MTOR: variants seen among roughly 807,000 people sequenced by gnomAD.
MTOR encodes serine/threonine-protein kinase mTOR.
Under a neutral mutation model 319.8 loss-of-function variants are expected in MTOR, and 70 were observed. The observed-to-expected ratio is 0.22, with a 90% confidence interval of 0.18 to 0.27. MTOR has a LOEUF of 0.27. MTOR is among the 10% of genes least tolerant of loss of function. The pLI is 1.00. For synonymous variants in MTOR, 1,183 were observed against 1,211.4 expected (o/e 0.98, Z 0.49); for missense variants, 1,890 against 3,274.4 (o/e 0.58, Z 10.32).
intron 28 of MTOR, chr1:11,193,915 A>G: frequency 1.0e-6 from 1 of 998,490 alleles, no homozygotes; most frequent in Non-Finnish European, 1.4e-6. Context: ...GTTGTAATGG[A>G]GTTGAGGAAA....
At chr1:11,179,082 C>A (rs76000308) in intron 28 of MTOR, among the ~76,000 whole-genome samples, 4,543 of 152,246 alleles carry the variant, frequency 0.03, 175 homozygotes, top group Admixed American at 0.071. Context: ...AACTGTGGCA[C>A]TCTATAACTG....
intron 54 of MTOR, among the ~76,000 whole-genome samples, chr1:11,112,347 T>C (rs946316538): frequency 6.6e-6 from 1 of 152,222 alleles, no homozygotes; most frequent in African/African-American, 2.4e-5. Flanking sequence ...TTTTTACAGA[T>C]AGATTAAAAT....
chr1:11,212,608 A>T lies in MTOR; in HGVS notation c.3399-134T>A, dbSNP rs1292616958. ...TTCTAAGGTATTTTGGATGACATGGATCCAACATTTATTCCAATGGGATAG... is the reference window on the plus strand; with the variant it reads ...TTCTAAGGTATTTTGGATGACATGGTTCCAACATTTATTCCAATGGGATAG... On this transcript the variant is annotated intron_variant, in intron 22 of 57. Transcript: ENST00000361445. The surrounding 1 kb of genome is among the most constrained non-coding windows in gnomAD (Gnocchi z 4.1). The T allele has an allele frequency of 8.4e-7, 1 of 1,188,700 alleles. No individual in the cohort carries two copies. Among genetic ancestry groups the T allele is most frequent in the African/African-American group, 1.5e-5 (1 of 64,830 alleles). The allele number at this position is 1,188,700 out of a possible 1,614,324, so 73.6% of individuals were successfully genotyped here.
chr1:11,109,179 T>G lies in MTOR; in HGVS notation c.7528+111A>C. The G allele has an allele frequency of 2.3e-6, 2 of 865,792 alleles. No individual in the cohort carries two copies. The highest frequency in any genetic ancestry group is 3.7e-6 in the Non-Finnish European group (2 of 541,638). The allele number at this position is 865,792 out of a possible 1,614,324, so 53.6% of individuals were successfully genotyped here. A position where few individuals can be genotyped will look rare whatever the true frequency, so the allele number is the denominator to read the frequency against. ...TCAAAGACACTCTTTGTCAGCTGCATGGTGCCAAAGCTCGTCACTAACACC... is the reference window on the plus strand; with the variant it reads ...TCAAAGACACTCTTTGTCAGCTGCAGGGTGCCAAAGCTCGTCACTAACACC... On this transcript the variant is annotated intron_variant, in intron 56 of 57. Transcript: ENST00000361445. This position sits in a 1 kb window ranked among gnomAD's most constrained non-coding sequence, Gnocchi z 4.0.
intron 19 of MTOR, 76 bp from the exon 20 acceptor site, chr1:11,216,310 A>C (rs1434888805): frequency 3.6e-6 from 4 of 1,112,980 alleles, no homozygotes; most frequent in Non-Finnish European, 5.4e-6. Flanking sequence ...AGCTCATGTG[A>C]ACAAATAAAG....
At chr1:11,178,295 T>C (rs1287230551) in intron 28 of MTOR, among the ~76,000 whole-genome samples, 1 of 152,186 alleles carries the variant, frequency 6.6e-6, no homozygotes, top group African/African-American at 2.4e-5. Context: ...CCTGGTTGGA[T>C]ATAGGGCCCA....
chr1:11,225,128 A>G (rs1431071408), intron 19 of MTOR, among the ~76,000 whole-genome samples: 1 of 152,220 alleles, frequency 6.6e-6, no homozygotes, highest in Non-Finnish European at 1.5e-5. Flanking sequence ...ATTATTAGTG[A>G]TAACTGCATA....
At chr1:11,131,095 T>G in intron 38 of MTOR, 1 of 404,986 alleles carries the variant, frequency 2.5e-6, no homozygotes, top group Non-Finnish European at 4.5e-6. Context: ...AAGACCTAGG[T>G]ACTCTGCAAG....
chr1:11,249,022 G>A lies in MTOR; in HGVS notation c.841-928C>T, dbSNP rs543531810. Among the ~76,000 whole-genome samples, 95 of 152,096 alleles carry A rather than the reference G, an allele frequency of 6.2e-4. No homozygotes were observed. In the South Asian group the frequency reaches 0.011, roughly 17 times the overall value. ...GGGCAGATCATGAGGTCAGGAGTTC[G>A]AGACCAGTCTGACCAACATGGTGAA... On this transcript the variant is annotated intron_variant, in intron 6 of 57. Coordinates refer to ENST00000361445, the MANE Select transcript of MTOR (RefSeq NM_004958.4).
intron 32 of MTOR, among the ~76,000 whole-genome samples, chr1:11,146,041 G>A (rs1279298139): frequency 6.6e-6 from 1 of 152,122 alleles, no homozygotes; most frequent in Non-Finnish European, 1.5e-5. Flanking sequence ...CAGCCTGGGG[G>A]ACGCCACAGC....
chr1:11,175,285 T>C (rs1227315991), intron 28 of MTOR, among the ~76,000 whole-genome samples: 1 of 152,098 alleles, frequency 6.6e-6, no homozygotes, highest in Non-Finnish European at 1.5e-5. Flanking sequence ...AAGGAGAACA[T>C]GGTGAATCTG....
intron 28 of MTOR, among the ~76,000 whole-genome samples, chr1:11,191,145 TCA>T (rs1160538605): frequency 6.6e-6 from 1 of 152,212 alleles, no homozygotes; most frequent in Non-Finnish European, 1.5e-5. Flanking sequence ...GGAGGCTTTC[TCA>T]CCATCCTGCA....
At position 11,213,423 on chromosome 1, in the gene MTOR, G is replaced by A. The variant is rs773252607; in HGVS notation, c.3261C>T (p.Ser1087=). The change falls in exon 21 of 58, where the codon AGC becomes AGT. Residue 1087 remains serine, a synonymous_variant. Coordinates refer to ENST00000361445, the MANE Select transcript of MTOR (RefSeq NM_004958.4). ...HMLRVFMHDN[S]PGRIVSIKLL... Reference sequence around the variant, plus strand: ...CCTTGATAGAGACAATGCGGCCTGGGCTGTTGTCATGCATGAAGACACGCA... The same window carrying A: ...CCTTGATAGAGACAATGCGGCCTGGACTGTTGTCATGCATGAAGACACGCA... 3 of 1,612,922 alleles carry A rather than the reference G, an allele frequency of 1.9e-6. No homozygotes were observed. The highest frequency in any genetic ancestry group is 3.3e-5 in the Admixed American group (2 of 59,990).
At chr1:11,118,442 G>A (rs1642308414) in intron 49 of MTOR, among the ~76,000 whole-genome samples, 4 of 151,180 alleles carry the variant, frequency 2.6e-5, no homozygotes, top group Non-Finnish European at 4.4e-5. Context: ...TCACCACGTT[G>A]GTCAGGCTGG....
At chr1:11,157,621 A>C (rs761462272) in intron 29 of MTOR, among the ~76,000 whole-genome samples, 47 of 152,132 alleles carry the variant, frequency 3.1e-4, no homozygotes, top group Non-Finnish European at 6.3e-4. Context: ...GGACAGGGGA[A>C]ATCATTTAGG....
rs777542989 is a variant in MTOR at position 11,130,614 on chromosome 1, C to CTGGCAGTGGTGG, written c.5516_5527dup (p.Thr1839_Ala1842dup). On this transcript the variant is annotated inframe_insertion, in exon 39 of 58. Transcript: ENST00000361445. ...GCTCTCACTGTTGCTGCCCTCGGTGCTGGCAGTGGTGGTGGCAGTGGCGGC... is the reference window on the plus strand; with the variant it reads ...GCTCTCACTGTTGCTGCCCTCGGTGCTGGCAGTGGTGGTGGCAGTGGTGGTGGCAGTGGCGGC... 1 of 1,613,974 alleles carries CTGGCAGTGGTGG rather than the reference C, an allele frequency of 6.2e-7. No individual in the cohort carries two copies. Among genetic ancestry groups the CTGGCAGTGGTGG allele is most frequent in the Non-Finnish European group, 8.5e-7 (1 of 1,179,968 alleles).
intron 1 of MTOR, among the ~76,000 whole-genome samples, chr1:11,260,223 A>G (rs1650938709): frequency 6.6e-6 from 1 of 152,198 alleles, no homozygotes; most frequent in South Asian, 2.1e-4. Flanking sequence ...AAAAAGAGAG[A>G]TTATTATTCT....
Position 11,127,580 on chromosome 1 carries a change from A to G in MTOR, c.6216+44T>C. 1.3e-6 allele frequency: 2 copies of G among 1,535,962 alleles called. No individual in the cohort carries two copies. The highest frequency in any genetic ancestry group is 1.7e-6 in the Non-Finnish European group (2 of 1,143,052). On this transcript the variant is annotated intron_variant, in intron 44 of 57. Transcript: ENST00000361445. This position sits in a 1 kb window ranked among gnomAD's most constrained non-coding sequence, Gnocchi z 5.5. ...CATTTCATTTTTTTTTAGTGGCAGA[A>G]TATTTCTACAGGGTTATGTCCTTTC...
chr1:11,194,853 G>C lies in MTOR; in HGVS notation c.4253+4405C>G, dbSNP rs756344312. 3.1e-6 allele frequency: 5 copies of C among 1,613,820 alleles called. No individual in the cohort carries two copies. The East Asian group carries it at 8.9e-5, about 29-fold the overall frequency. On this transcript the variant is annotated intron_variant, in intron 28 of 57. Coordinates refer to ENST00000361445, the MANE Select transcript of MTOR (RefSeq NM_004958.4). ...AGCACTGGGTCTGTTTCTCATGCCAGGTGGCTACTGGTACAACTGCTGCAC... is the reference window on the plus strand; with the variant it reads ...AGCACTGGGTCTGTTTCTCATGCCACGTGGCTACTGGTACAACTGCTGCAC...
Sources: allele counts gnomAD v4.1 joint callset (sites outside exome capture counted in the v4.1 genomes callset), GRCh38; gene constraint gnomAD v4.1.1; non-coding constraint Gnocchi (gnomAD v3.1); transcripts MANE v1.5; gene names NCBI Gene and HGNC (gene_info 2026-07-23, HGNC 2026-07-21).